The following ST6GALNAC3 variants were observed in gnomAD, a reference collection of about 807,000 sequenced individuals.
The protein encoded by ST6GALNAC3 is alpha-N-acetylgalactosaminide alpha-2,6-sialyltransferase 3.
A neutral mutation model predicts 32.7 loss-of-function variants in ST6GALNAC3; 25 were observed. The ratio of observed to expected loss-of-function variants is 0.76; its 90% CI spans 0.56 to 1.07. The LOEUF (loss-of-function observed/expected upper bound fraction) is 1.07, where lower values mean the gene tolerates loss of function less well. Ranked by LOEUF, ST6GALNAC3 falls within the 50% of genes least tolerant of loss-of-function variation. The pLI is 0.00. For missense variants in ST6GALNAC3, 355 were observed against 382.4 expected, an observed-to-expected ratio of 0.93 and a Z score of 0.60; for synonymous variants, 129 against 133.1, an observed-to-expected ratio of 0.97 and a Z score of 0.21.
At chr1:76,184,366 C>T (rs1038506828) in intron 1 of ST6GALNAC3, among the ~76,000 whole-genome samples, 2 of 152,084 alleles carry the variant, frequency 1.3e-5, no homozygotes, top group Non-Finnish European at 2.9e-5. Context: ...TAGTGAAACC[C>T]TGTCTCTACT....
intron 1 of ST6GALNAC3, among the ~76,000 whole-genome samples, chr1:76,116,796 G>A (rs1362422431): frequency 6.6e-6 from 1 of 152,138 alleles, no homozygotes; most frequent in Admixed American, 6.5e-5. Context: ...GCCGGGCCTG[G>A]TGGCATGTGC....
chr1:76,622,282 C>G (rs1648697392), intron 3 of ST6GALNAC3, among the ~76,000 whole-genome samples: 1 of 151,926 alleles, frequency 6.6e-6, no homozygotes, highest in South Asian at 2.1e-4. Context: ...GTACATTCCC[C>G]CATTGCAGGC....
At chr1:76,599,347 A>C (rs1647184279) in intron 3 of ST6GALNAC3, among the ~76,000 whole-genome samples, 1 of 152,114 alleles carries the variant, frequency 6.6e-6, no homozygotes, top group African/African-American at 2.4e-5. Context: ...TTGTTACCTA[A>C]GTATACATGT....
intron 3 of ST6GALNAC3, among the ~76,000 whole-genome samples, chr1:76,424,877 A>G (rs914000234): frequency 6.6e-6 from 1 of 151,974 alleles, no homozygotes; most frequent in Non-Finnish European, 1.5e-5. Flanking sequence ...TGATTTCTAA[A>G]GAGATTTTTG....
chr1:76,373,082 C>A (rs1650958024), intron 2 of ST6GALNAC3, among the ~76,000 whole-genome samples: 1 of 152,142 alleles, frequency 6.6e-6, no homozygotes, highest in Non-Finnish European at 1.5e-5. Context: ...TAGGCGTGAG[C>A]CACGGTGCCT....
intron 1 of ST6GALNAC3, among the ~76,000 whole-genome samples, chr1:76,285,385 G>GTGTGTGTGT (rs1659716795): frequency 1.3e-5 from 2 of 148,374 alleles, no homozygotes; most frequent in African/African-American, 5.0e-5. Context: ...TCGGGAGGAT[G>GTGTGTGTGT]GTGTGTGTGT....
intron 1 of ST6GALNAC3, among the ~76,000 whole-genome samples, chr1:76,217,917 C>T (rs959541253): frequency 6.6e-5 from 10 of 151,902 alleles, no homozygotes; most frequent in African/African-American, 2.4e-4. Context: ...AGCTTGTTGG[C>T]GGATGGACAT....
At chr1:76,305,027 G>T (rs140637537) in intron 1 of ST6GALNAC3, among the ~76,000 whole-genome samples, 47 of 152,174 alleles carry the variant, frequency 3.1e-4, no homozygotes, top group African/African-American at 1.1e-3. Flanking sequence ...TGGTTAGTTA[G>T]CACCTCCCTT....
intron 2 of ST6GALNAC3, among the ~76,000 whole-genome samples, chr1:76,333,298 A>G (rs561778877): frequency 3.9e-5 from 6 of 152,290 alleles, no homozygotes; most frequent in African/African-American, 1.4e-4. Context: ...TCAAAGGAAG[A>G]TTTAAGCTCA....
At chr1:76,542,582 C>G (rs556325494) in intron 3 of ST6GALNAC3, among the ~76,000 whole-genome samples, 2 of 152,282 alleles carry the variant, frequency 1.3e-5, no homozygotes, top group East Asian at 1.9e-4. Context: ...ACTTGCTTCT[C>G]TCATCACTGA....
At chr1:76,202,616 G>C (rs1654594195) in intron 1 of ST6GALNAC3, among the ~76,000 whole-genome samples, 2 of 152,108 alleles carry the variant, frequency 1.3e-5, no homozygotes, top group African/African-American at 4.8e-5. Flanking sequence ...ACATAAATGA[G>C]AGAAGTGTGA....
At chr1:76,604,863 A>G (rs1647421027) in intron 3 of ST6GALNAC3, among the ~76,000 whole-genome samples, 1 of 152,030 alleles carries the variant, frequency 6.6e-6, no homozygotes, top group Admixed American at 6.6e-5. Flanking sequence ...TTATTTTGCC[A>G]TTTTTCAGGA....
At chr1:76,266,482 T>G (rs773156620) in intron 1 of ST6GALNAC3, among the ~76,000 whole-genome samples, 1 of 152,214 alleles carries the variant, frequency 6.6e-6, no homozygotes, top group Non-Finnish European at 1.5e-5. Flanking sequence ...AGATTCAGAT[T>G]TACTGTTCTT....
chr1:76,479,730 G>A (rs1052990039), intron 3 of ST6GALNAC3, among the ~76,000 whole-genome samples: 4 of 152,068 alleles, frequency 2.6e-5, no homozygotes, highest in Non-Finnish European at 5.9e-5. Flanking sequence ...CATCCCTGTT[G>A]CATTGAGGAT....
intron 1 of ST6GALNAC3, among the ~76,000 whole-genome samples, chr1:76,270,507 C>CAAAAAA (rs34410935): frequency 1.6e-5 from 1 of 64,116 alleles, no homozygotes; most frequent in Non-Finnish European, 2.9e-5. Flanking sequence ...AACTCTGTCT[C>CAAAAAA]AAAAAAAAAA....
At chr1:76,523,301 GT>G in intron 3 of ST6GALNAC3, among the ~76,000 whole-genome samples, 1 of 152,008 alleles carries the variant, frequency 6.6e-6, no homozygotes, top group African/African-American at 2.4e-5. Context: ...TTTTTATAAT[GT>G]TTGTCTTAAT....
rs561471439 is a variant in ST6GALNAC3, at chr1:76,528,488, G to C, written c.624-98964G>C. ...AATCCTCAGTGTCCTGAGATAGAAG[G>C]ATAAGCTAATGCTAGAAAGAAGATT... On this transcript the variant is annotated intron_variant, in intron 3 of 4. Coordinates refer to ENST00000328299, the MANE Select transcript of ST6GALNAC3 (RefSeq NM_152996.4). Among the ~76,000 whole-genome samples, 26 of 152,250 alleles carry C rather than the reference G, an allele frequency of 1.7e-4. 1 individual carries two copies. Among genetic ancestry groups the C allele is most frequent in the African/African-American group, 6.3e-4 (26 of 41,552 alleles).
chr1:76,411,316 A>G (rs777778064), intron 2 of ST6GALNAC3, among the ~76,000 whole-genome samples: 17 of 152,228 alleles, frequency 1.1e-4, no homozygotes, highest in Non-Finnish European at 2.1e-4. Flanking sequence ...AAAAGGGAGA[A>G]AGGGACTTAG....
At chr1:76,296,495 G>A (rs576678119) in intron 1 of ST6GALNAC3, among the ~76,000 whole-genome samples, 65 of 151,900 alleles carry the variant, frequency 4.3e-4, no homozygotes, top group Non-Finnish European at 5.2e-4. Context: ...TCTTCTATTC[G>A]TCAATTCTCA....
Sources: allele counts gnomAD v4.1 joint callset (sites outside exome capture counted in the v4.1 genomes callset), GRCh38; gene constraint gnomAD v4.1.1; transcripts MANE v1.5; gene names NCBI Gene and HGNC (gene_info 2026-07-23, HGNC 2026-07-21).